The following RABEP1 variants were observed in gnomAD, a reference collection of about 807,000 sequenced individuals.
The protein encoded by RABEP1 is rab GTPase-binding effector protein 1.
RABEP1 carries 51 observed loss-of-function variants against 123.4 expected under a neutral mutation model. The observed-to-expected ratio is 0.41, with a 90% confidence interval of 0.33 to 0.52. The LOEUF (loss-of-function observed/expected upper bound fraction) is 0.52, where lower values mean the gene tolerates loss of function less well. Among genes scored for constraint, RABEP1 ranks in the 20% least tolerant of loss-of-function variants. The pLI is 0.16. For synonymous variants in RABEP1, 347 were observed against 355.2 expected (o/e 0.98, Z 0.26); for missense variants, 888 against 996.3 (o/e 0.89, Z 1.46).
intron 2 of RABEP1, among the ~76,000 whole-genome samples, chr17:5,327,672 G>A (rs893446540): frequency 6.6e-6 from 1 of 152,024 alleles, no homozygotes; most frequent in African/African-American, 2.4e-5. Flanking sequence ...ATAATTTTTG[G>A]TATCTGGTAG....
At chr17:5,374,738 C>G (rs771936407) in intron 13 of RABEP1, among the ~76,000 whole-genome samples, 1 of 152,150 alleles carries the variant, frequency 6.6e-6, no homozygotes, top group Non-Finnish European at 1.5e-5. Flanking sequence ...CTCCCAGGTT[C>G]AAGTGATTCT....
At chr17:5,310,329 G>T (rs2075225578) in intron 2 of RABEP1, among the ~76,000 whole-genome samples, 1 of 112,718 alleles carries the variant, frequency 8.9e-6, no homozygotes, top group African/African-American at 3.7e-5. Context: ...TGAGATGGGA[G>T]TCTCCCCCGA....
At position 5,310,301 on chromosome 17, in the gene RABEP1, C is replaced by CTTTTTTTTTTTTTTTTTTTTTTTTTTTT. The variant is rs11432831; in HGVS notation, c.163+1497_163+1498insTTTTTTTTTTTTTTTTTTTTTTTTTTTT. ...TTACAATTTAAATGAAAGCTTCGTC[C>CTTTTTTTTTTTTTTTTTTTTTTTTTTTT]TTTTTTTTTTTTTTTTTTGAGATGG... On this transcript the variant is annotated intron_variant, in intron 2 of 17. Coordinates refer to ENST00000537505, the MANE Select transcript of RABEP1 (RefSeq NM_004703.6). Among the ~76,000 whole-genome samples, 14 of 126,414 alleles carry CTTTTTTTTTTTTTTTTTTTTTTTTTTTT rather than the reference C, an allele frequency of 1.1e-4. 3 individuals carry two copies. The highest frequency in any genetic ancestry group is 4.4e-3 in the Middle Eastern group (1 of 228). 82.9% of individuals were successfully genotyped at this position (126,414 alleles called of 152,430 possible).
chr17:5,368,247 G>C, intron 11 of RABEP1, 123 bp from the exon 12 acceptor site: 1 of 679,018 alleles, frequency 1.5e-6, no homozygotes, highest in Non-Finnish European at 2.5e-6. Context: ...TTGGATGATG[G>C]TCAGTGGTTC....
chr17:5,362,980 A>G lies in RABEP1; in HGVS notation c.1632A>G (p.Gln544=). The G allele has an allele frequency of 1.9e-6, 3 of 1,613,810 alleles. No individual in the cohort carries two copies. Among genetic ancestry groups the G allele is most frequent in the African/African-American group, 2.7e-5 (2 of 75,048 alleles). The change falls in exon 10 of 18, where the codon CAA becomes CAG. Residue 544 remains glutamine (Q), a synonymous_variant. Transcript: ENST00000537505. Reference sequence around the variant, plus strand: ...GTTCCAATTACGAAAAACAGTTACAAGGAATTCAGATTCAGGAGGCTGAAA... The same window carrying G: ...GTTCCAATTACGAAAAACAGTTACAGGGAATTCAGATTCAGGAGGCTGAAA... ...DMCSNYEKQL[Q]GIQIQEAETR...
intron 6 of RABEP1, 78 bp downstream of exon 6, chr17:5,347,003 A>G: frequency 8.6e-7 from 1 of 1,168,310 alleles, no homozygotes; most frequent in Non-Finnish European, 1.1e-6. Flanking sequence ...AACAGTGACA[A>G]ATCTTAAAAT....
chr17:5,348,696 G>A (rs1908273909), intron 6 of RABEP1, among the ~76,000 whole-genome samples: 1 of 152,088 alleles, frequency 6.6e-6, no homozygotes, highest in Non-Finnish European at 1.5e-5. Flanking sequence ...AAGTAGCTGG[G>A]ACTACGGATG....
intron 12 of RABEP1, among the ~76,000 whole-genome samples, chr17:5,372,887 G>A (rs1419364712): frequency 1.3e-5 from 2 of 151,980 alleles, no homozygotes; most frequent in African/African-American, 2.4e-5. Context: ...TCCCTCCCTA[G>A]TTGCTGGGAT....
At chr17:5,299,706 CT>C (rs1441449880) in intron 1 of RABEP1, among the ~76,000 whole-genome samples, 1 of 109,106 alleles carries the variant, frequency 9.2e-6, no homozygotes, top group African/African-American at 3.3e-5. Flanking sequence ...ATTTCTTTTT[CT>C]TTTTTTCTTT....
chr17:5,290,942 A>G (rs560196768), intron 1 of RABEP1, among the ~76,000 whole-genome samples: 2 of 152,294 alleles, frequency 1.3e-5, no homozygotes, highest in South Asian at 4.1e-4. Context: ...AGGTAGTATT[A>G]ACACTTTCAC....
chr17:5,331,654 C>T (rs896447508), intron 2 of RABEP1, among the ~76,000 whole-genome samples: 1 of 152,094 alleles, frequency 6.6e-6, no homozygotes, highest in Non-Finnish European at 1.5e-5. Flanking sequence ...TTTTTAACTT[C>T]CATTTTGCAG....
chr17:5,360,906 A>G (rs1168969911), intron 8 of RABEP1: 1 of 325,860 alleles, frequency 3.1e-6, no homozygotes, highest in Non-Finnish European at 5.7e-6. Context: ...AGCATTCAGC[A>G]CATAGCTCCA....
At chr17:5,365,031 GA>G (rs1349874033) in intron 10 of RABEP1, 90 bp from the exon 11 acceptor site, 1 of 778,264 alleles carries the variant, frequency 1.3e-6, no homozygotes, top group African/African-American at 1.9e-5. Flanking sequence ...AGACATAAGA[GA>G]TTTTTTTTTA....
intron 11 of RABEP1, among the ~76,000 whole-genome samples, 184 bp from the exon 12 acceptor site, chr17:5,368,186 G>A (rs938557082): frequency 2.0e-5 from 3 of 152,112 alleles, no homozygotes; most frequent in African/African-American, 7.2e-5. Context: ...GCACTGCCTT[G>A]TGTTATCTGA....
Position 5,368,411 on chromosome 17 carries a change from AC to A in RABEP1, c.1828del (p.Glu611LysfsTer21). The A allele has an allele frequency of 6.2e-7, 1 of 1,614,074 alleles. No individual in the cohort carries two copies. Among genetic ancestry groups the A allele is most frequent in the Non-Finnish European group, 8.5e-7 (1 of 1,179,964 alleles). ...VLRAQASEILLEELQQGLSQA... is the reference protein window; with the variant it reads ...VLRAQASEILXEELQQGLSQA... ...TAAGAGCCCAGGCCTCCGAGATCTT[AC>A]TTGAAGAGTTACAGCAGGGGCTTTC... is the stretch of plus-strand genomic sequence containing the variant. On this transcript the variant is annotated frameshift_variant, in exon 12 of 18. Transcript: ENST00000537505. LOFTEE classifies it high-confidence loss of function.
At chr17:5,383,045 C>A in intron 17 of RABEP1, 77 bp from the exon 18 acceptor site, 7 of 1,126,196 alleles carry the variant, frequency 6.2e-6, no homozygotes, top group Non-Finnish European at 9.5e-6. Context: ...TAATCTGCTA[C>A]ATCTCAGCTA....
chr17:5,284,892 G>A (rs1336298624), intron 1 of RABEP1, among the ~76,000 whole-genome samples: 1 of 151,480 alleles, frequency 6.6e-6, no homozygotes, highest in African/African-American at 2.4e-5. Context: ...GTGTCAAACT[G>A]GTGGTGAAAG....
intron 13 of RABEP1, among the ~76,000 whole-genome samples, chr17:5,374,885 G>A (rs62075141): frequency 0.05 from 7,640 of 152,150 alleles, 272 homozygotes; most frequent in Middle Eastern, 0.13. Flanking sequence ...CTCGTGATCC[G>A]CCCGCCTTGG....
At chr17:5,369,981 G>A (rs1329944569) in intron 12 of RABEP1, among the ~76,000 whole-genome samples, 2 of 152,164 alleles carry the variant, frequency 1.3e-5, no homozygotes, top group Non-Finnish European at 2.9e-5. Context: ...TTACAGGCAT[G>A]AGCCACTGTG....
Sources: gnomAD v4.1 joint callset for allele counts (sites outside exome capture counted in the v4.1 genomes callset) on GRCh38, gnomAD v4.1.1 for gene constraint, MANE v1.5 for transcripts, NCBI Gene and HGNC (gene_info 2026-07-23, HGNC 2026-07-21) for gene names.